Variants in STPG4 observed in about 807,000 individuals in gnomAD.
STPG4 encodes the protein sperm-tail PG-rich repeat containing 4, also known as protein STPG4.
A neutral mutation model predicts 31.5 loss-of-function variants in STPG4; 41 were observed. The observed-to-expected ratio is 1.30, with a 90% CI of 1.01 to 1.69. STPG4 has a LOEUF of 1.69. Ranked by LOEUF, STPG4 falls within the 40% of genes most tolerant of loss-of-function variation. STPG4 has a pLI of 0.00. For synonymous variants in STPG4, 141 were observed against 103.0 expected, an observed-to-expected ratio of 1.37 and a Z score of -2.24; for missense variants, 375 against 293.4, an observed-to-expected ratio of 1.28 and a Z score of -2.03.
At chr2:47,103,587 C>T (rs920843714) in intron 5 of STPG4, among the ~76,000 whole-genome samples, 9 of 151,928 alleles carry the variant, frequency 5.9e-5, no homozygotes, top group Non-Finnish European at 1.0e-4. Context: ...GCAGGCCAAT[C>T]ACCTGGTAGG....
chr2:47,136,066 A>G (rs1348937363), intron 3 of STPG4, among the ~76,000 whole-genome samples: 2 of 152,250 alleles, frequency 1.3e-5, no homozygotes, highest in African/African-American at 2.4e-5. Flanking sequence ...TAAAGATCAA[A>G]TTGGGAAGAA....
At chr2:47,150,324 TG>T (rs1418549831) in intron 3 of STPG4, among the ~76,000 whole-genome samples, 2 of 152,152 alleles carry the variant, frequency 1.3e-5, no homozygotes, top group East Asian at 3.9e-4. Flanking sequence ...TCTGAGCACT[TG>T]ATAAACTCTG....
At chr2:47,115,436 T>A (rs961632479) in intron 5 of STPG4, among the ~76,000 whole-genome samples, 1 of 152,312 alleles carries the variant, frequency 6.6e-6, no homozygotes, top group African/African-American at 2.4e-5. Flanking sequence ...GTAATTTTTA[T>A]GAGTTTTTGC....
intron 5 of STPG4, among the ~76,000 whole-genome samples, chr2:47,123,145 C>G (rs925420132): frequency 1.3e-5 from 2 of 152,096 alleles, no homozygotes; most frequent in African/African-American, 4.8e-5. Flanking sequence ...TTTTCTTATT[C>G]TTTCAGATGA....
At chr2:47,117,354 C>T (rs1292034796) in intron 5 of STPG4, among the ~76,000 whole-genome samples, 3 of 152,300 alleles carry the variant, frequency 2.0e-5, no homozygotes, top group East Asian at 3.9e-4. Context: ...GGATTAGAGG[C>T]ATGCACCACC....
At chr2:47,152,070 A>C (rs1302135242) in intron 2 of STPG4, among the ~76,000 whole-genome samples, 1 of 152,098 alleles carries the variant, frequency 6.6e-6, no homozygotes, top group Non-Finnish European at 1.5e-5. Context: ...GCCGAAATTT[A>C]AGTTTTTAAA....
intron 5 of STPG4, among the ~76,000 whole-genome samples, chr2:47,093,522 C>T (rs996991716): frequency 5.9e-5 from 9 of 152,180 alleles, no homozygotes; most frequent in African/African-American, 1.9e-4. Flanking sequence ...GAGTGTGCGA[C>T]CATTGATTCC....
intron 3 of STPG4, among the ~76,000 whole-genome samples, chr2:47,144,714 A>G (rs1365247204): frequency 6.6e-6 from 1 of 152,154 alleles, no homozygotes; most frequent in Non-Finnish European, 1.5e-5. Flanking sequence ...ATTAAAAAAA[A>G]ACAAACAAAA....
intron 5 of STPG4, among the ~76,000 whole-genome samples, chr2:47,126,901 G>T (rs1056320901): frequency 2.6e-5 from 4 of 151,962 alleles, no homozygotes; most frequent in African/African-American, 9.7e-5. Context: ...GTGCTCCATT[G>T]TATGTTATTT....
At chr2:47,154,682 G>A (rs1304638129) in intron 1 of STPG4, among the ~76,000 whole-genome samples, 3 of 152,050 alleles carry the variant, frequency 2.0e-5, no homozygotes, top group Non-Finnish European at 1.5e-5. Context: ...AGTGAGCCGA[G>A]ATCACACCGC....
chr2:47,089,016 C>T (rs935608376), intron 6 of STPG4, among the ~76,000 whole-genome samples: 2 of 152,190 alleles, frequency 1.3e-5, no homozygotes, highest in Non-Finnish European at 2.9e-5. Context: ...CCTGATTTCA[C>T]TGCCACCAAC....
chr2:47,108,023 A>T (rs892211304), intron 5 of STPG4, among the ~76,000 whole-genome samples: 3 of 151,844 alleles, frequency 2.0e-5, no homozygotes, highest in Admixed American at 2.0e-4. Flanking sequence ...TGTCTAGCTC[A>T]GGGTTTGTGA....
intron 6 of STPG4, among the ~76,000 whole-genome samples, chr2:47,088,864 G>C (rs1685512526): frequency 6.6e-6 from 1 of 152,174 alleles, no homozygotes; most frequent in African/African-American, 2.4e-5. Context: ...CTATTAATGA[G>C]GGTTCAAAGT....
intron 5 of STPG4, among the ~76,000 whole-genome samples, chr2:47,124,388 C>A (rs543893511): frequency 1.1e-4 from 17 of 152,198 alleles, no homozygotes; most frequent in African/African-American, 3.9e-4. Context: ...TATCCATTAA[C>A]CATCTCCACT....
chr2:47,121,594 A>C (rs1044742263), intron 5 of STPG4, among the ~76,000 whole-genome samples: 1 of 152,228 alleles, frequency 6.6e-6, no homozygotes, highest in African/African-American at 2.4e-5. Context: ...TTCATTCACT[A>C]TGACTGCTAT....
chr2:47,112,438 T>TG (rs145660546), intron 5 of STPG4, among the ~76,000 whole-genome samples: 3,991 of 152,212 alleles, frequency 0.026, 183 homozygotes, highest in African/African-American at 0.091. Context: ...CCCAAAGTGC[T>TG]GGATTACAGG....
intron 5 of STPG4, among the ~76,000 whole-genome samples, chr2:47,127,959 G>C (rs1316295784): frequency 2.0e-5 from 3 of 152,158 alleles, no homozygotes; most frequent in African/African-American, 7.2e-5. Flanking sequence ...AGCTGGTCTT[G>C]TTTGTACCTG....
At chr2:47,093,762 G>A (rs566943828) in intron 5 of STPG4, among the ~76,000 whole-genome samples, 8 of 152,336 alleles carry the variant, frequency 5.3e-5, no homozygotes, top group South Asian at 2.1e-4. Flanking sequence ...GTTACTGAAC[G>A]CTATTCCACA....
intron 5 of STPG4, among the ~76,000 whole-genome samples, chr2:47,101,189 G>A (rs12466331): frequency 0.35 from 52,472 of 151,578 alleles, 10,230 homozygotes; most frequent in East Asian, 0.53. Flanking sequence ...TGACTAGTGC[G>A]GACACCGGAC....
Sources: allele counts gnomAD v4.1 joint callset (sites outside exome capture counted in the v4.1 genomes callset), GRCh38; gene constraint gnomAD v4.1.1; transcripts MANE v1.5; gene names NCBI Gene and HGNC (gene_info 2026-07-23, HGNC 2026-07-21).